Variants in AGR3 observed in about 807,000 individuals in gnomAD.
AGR3 encodes anterior gradient protein 3.
Under a neutral mutation model 24.5 loss-of-function variants are expected in AGR3, and 37 were observed. The ratio of observed to expected loss-of-function variants is 1.51; its 90% CI spans 1.16 to 1.99. The LOEUF (loss-of-function observed/expected upper bound fraction) is 1.99. AGR3 is among the 30% of genes most tolerant of loss of function. AGR3 has a pLI of 0.00. For synonymous variants in AGR3, 75 were observed against 61.6 expected, an observed-to-expected ratio of 1.22 and a Z score of -1.02; for missense variants, 228 against 191.1, an observed-to-expected ratio of 1.19 and a Z score of -1.14.
chr7:16,867,708 C>T (rs889185250), intron 3 of AGR3, among the ~76,000 whole-genome samples: 11 of 152,100 alleles, frequency 7.2e-5, no homozygotes, highest in Non-Finnish European at 1.2e-4. Context: ...ATGAGTTTGA[C>T]TTTTTTAGAT....
intron 3 of AGR3, among the ~76,000 whole-genome samples, chr7:16,869,818 C>A (rs1781831170): frequency 6.6e-6 from 1 of 151,134 alleles, no homozygotes; most frequent in African/African-American, 2.4e-5. Flanking sequence ...TATTTATTTA[C>A]AAGTAATATA....
intron 3 of AGR3, among the ~76,000 whole-genome samples, chr7:16,871,052 G>C (rs1010547489): frequency 2.6e-5 from 4 of 152,134 alleles, no homozygotes; most frequent in Admixed American, 6.5e-5. Flanking sequence ...ATTGAGCCTA[G>C]AACAGTGTCT....
intron 1 of AGR3, 87 bp downstream of exon 1, chr7:16,881,857 C>A: frequency 2.2e-6 from 1 of 456,704 alleles, no homozygotes. Flanking sequence ...TTACTGAAAG[C>A]TTCACTTTTA....
At chr7:16,861,535 C>G in intron 5 of AGR3, 88 bp from the exon 6 acceptor site, 2 of 1,106,968 alleles carry the variant, frequency 1.8e-6, no homozygotes, top group South Asian at 2.8e-5. Context: ...TCAGTAAATT[C>G]TATTTTGGCC....
At chr7:16,856,998 C>T (rs1781563228), downstream of AGR3, among the ~76,000 whole-genome samples, 1 of 142,560 alleles carries the variant, frequency 7.0e-6, no homozygotes, top group African/African-American at 2.6e-5. Context: ...TTTTTAAACA[C>T]GTTGTGGTCT....
At chr7:16,861,581 T>G in intron 5 of AGR3, 134 bp from the exon 6 acceptor site, 1 of 698,626 alleles carries the variant, frequency 1.4e-6, no homozygotes, top group Non-Finnish European at 2.4e-6. Context: ...TATTAACCAA[T>G]ATTTAGCTCT....
chr7:16,866,177 G>C, intron 3 of AGR3: 1 of 527,786 alleles, frequency 1.9e-6, no homozygotes, highest in Non-Finnish European at 3.8e-6. Context: ...TATGACTTGA[G>C]TTATTCACAC....
rs891630203 is a variant in AGR3 at position 16,864,279 on chromosome 7, C to G, written c.174-1617G>C. ...AGGCTGGCTTCTATGTCCCATCACT[C>G]TCATAGTCTTCTATTATTATATTTT... On this transcript the variant is annotated intron_variant, in intron 3 of 7. Coordinates refer to ENST00000310398, the MANE Select transcript of AGR3 (RefSeq NM_176813.5). 5 of 1,353,644 alleles carry G rather than the reference C, an allele frequency of 3.7e-6. No individual in the cohort carries two copies. In the East Asian group the frequency reaches 1.2e-4, roughly 31 times the overall value. The allele number at this position is 1,353,644 out of a possible 1,614,324, so 83.9% of individuals were successfully genotyped here.
chr7:16,872,236 A>G (rs1781879474), intron 3 of AGR3, among the ~76,000 whole-genome samples: 2 of 152,222 alleles, frequency 1.3e-5, no homozygotes, highest in African/African-American at 4.8e-5. Context: ...ACAAAACAGC[A>G]TGGTATTTGT....
At chr7:16,878,015 C>G (rs1285820731) in intron 2 of AGR3, among the ~76,000 whole-genome samples, 1 of 152,106 alleles carries the variant, frequency 6.6e-6, no homozygotes, top group Non-Finnish European at 1.5e-5. Context: ...TCTAAAACCA[C>G]TGTCTTCCAG....
intron 5 of AGR3, 79 bp downstream of exon 5, chr7:16,861,899 TAAAAAA>T: frequency 2.0e-5 from 17 of 864,030 alleles, no homozygotes; most frequent in Admixed American, 3.4e-5. Flanking sequence ...AGACTCTGTC[TAAAAAA>T]AAAAAAAAAA....
chr7:16,874,164 C>A (rs1011397474), intron 2 of AGR3, among the ~76,000 whole-genome samples: 1 of 152,142 alleles, frequency 6.6e-6, no homozygotes, highest in Non-Finnish European at 1.5e-5. Context: ...GCTTTAGGAA[C>A]GCTTGGAAAG....
intron 3 of AGR3, among the ~76,000 whole-genome samples, chr7:16,863,189 G>T (rs963483460): frequency 3.3e-5 from 5 of 152,220 alleles, no homozygotes; most frequent in African/African-American, 1.2e-4. Context: ...TAATTCTTAT[G>T]TACTCTATAG....
At chr7:16,880,054 C>CTTCCCCTTCCTTCCTTCCCCTCCCTTCT (rs1782075007) in intron 1 of AGR3, among the ~76,000 whole-genome samples, 1 of 140,832 alleles carries the variant, frequency 7.1e-6, no homozygotes, top group Non-Finnish European at 1.6e-5. Flanking sequence ...CCCTCCTTCC[C>CTTCCCCTTCCTTCCTTCCCCTCCCTTCT]TTCCCCTTCC....
chr7:16,854,742 G>T (rs1325652335), downstream of AGR3, among the ~76,000 whole-genome samples: 1 of 152,204 alleles, frequency 6.6e-6, no homozygotes, highest in South Asian at 2.1e-4. Context: ...AGATCAAGGT[G>T]TTGGCAGGGT....
intron 3 of AGR3, among the ~76,000 whole-genome samples, chr7:16,864,080 G>T (rs1457223257): frequency 6.6e-6 from 1 of 152,218 alleles, no homozygotes; most frequent in Non-Finnish European, 1.5e-5. Context: ...TTACTTGAAA[G>T]CTTGATCTTC....
intron 3 of AGR3, among the ~76,000 whole-genome samples, chr7:16,869,285 T>C (rs942363295): frequency 1.3e-5 from 2 of 152,252 alleles, no homozygotes; most frequent in Non-Finnish European, 2.9e-5. Flanking sequence ...TCTGTGTTAT[T>C]ATATAATGAC....
intron 1 of AGR3, among the ~76,000 whole-genome samples, chr7:16,879,564 T>C (rs1178378484): frequency 6.6e-6 from 1 of 152,228 alleles, no homozygotes; most frequent in Non-Finnish European, 1.5e-5. Flanking sequence ...AAATATAAAA[T>C]AAATATACAG....
intron 3 of AGR3, among the ~76,000 whole-genome samples, chr7:16,871,326 C>G (rs1781859417): frequency 1.3e-5 from 2 of 152,084 alleles, no homozygotes; most frequent in African/African-American, 4.8e-5. Flanking sequence ...ATTCTAATAG[C>G]AACTATTAGT....
Sources: gnomAD v4.1 joint callset for allele counts (sites outside exome capture counted in the v4.1 genomes callset) on GRCh38, gnomAD v4.1.1 for gene constraint, MANE v1.5 for transcripts, NCBI Gene and HGNC (gene_info 2026-07-23, HGNC 2026-07-21) for gene names.